Variants in TUBGCP6 observed in about 807,000 individuals in gnomAD.
The protein encoded by TUBGCP6 is tubulin gamma complex component 6.
TUBGCP6 carries 161 observed loss-of-function variants against 175.8 expected under a neutral mutation model. The ratio of observed to expected loss-of-function variants is 0.92; its 90% CI spans 0.81 to 1.04. TUBGCP6 has a LOEUF of 1.04. Among genes scored for constraint, TUBGCP6 ranks in the 50% least tolerant of loss-of-function variants. TUBGCP6 has a pLI of 0.00. For synonymous variants in TUBGCP6, 1,173 were observed against 1,030.5 expected (o/e 1.14, Z -2.65); for missense variants, 2,572 against 2,433.0 (o/e 1.06, Z -1.20).
In TUBGCP6 at chr22:50,244,842, A is replaced by G. The variant is rs372179019; in HGVS notation, c.-383T>C. ...TTGCACCCGTTCTTCGGGACCCACG[A>G]GAGGAGACGGCCAGGAGAGGGTGCC... On this transcript the variant is annotated 5_prime_UTR_variant, in exon 1 of 25. Coordinates refer to ENST00000248846, the MANE Select transcript of TUBGCP6 (RefSeq NM_020461.4). 15 of 232,110 alleles carry G rather than the reference A, an allele frequency of 6.5e-5. No homozygotes were observed. The highest frequency in any genetic ancestry group is 3.3e-4 in the African/African-American group (14 of 42,984). The allele number at this position is 232,110 out of a possible 1,614,324, so 14.4% of individuals were successfully genotyped here. A position where few individuals can be genotyped will look rare whatever the true frequency, so the allele number is the denominator to read the frequency against.
At chr22:50,224,699 G>A (rs1198972651) in intron 10 of TUBGCP6, 107 bp from the exon 11 acceptor site, 8 of 1,109,202 alleles carry the variant, frequency 7.2e-6, no homozygotes, top group Non-Finnish European at 1.1e-5. Context: ...ATGAGCTTAA[G>A]AGTTCAAGAC....
Position 50,218,295 on chromosome 22 carries a change from T to C in TUBGCP6, c.5062A>G (p.Ile1688Val). 1 of 1,613,042 alleles carries C rather than the reference T, an allele frequency of 6.2e-7. No homozygotes were observed. Among genetic ancestry groups the C allele is most frequent in the Non-Finnish European group, 8.5e-7 (1 of 1,179,960 alleles). Residue 1688 changes from isoleucine (I) to valine (V), a missense_variant, in exon 23 of 25, where the codon ATC becomes GTC. Coordinates refer to ENST00000248846, the MANE Select transcript of TUBGCP6 (RefSeq NM_020461.4). ...KVIQGYIANQ[I>V]LHVTWCEFRA... is the part of the protein sequence containing the mutation. ...AACTCGCACCAGGTGACGTGCAGGA[T>C]CTGGTTGGCGATGTAGCCCTGGATG...
Position 50,221,994 on chromosome 22 carries a change from C to G in TUBGCP6, c.2484+34G>C, listed in dbSNP as rs760800952. The G allele has an allele frequency of 2.5e-6, 4 of 1,612,768 alleles. No individual in the cohort carries two copies. In the East Asian group the frequency reaches 8.9e-5, roughly 36 times the overall value. Reference sequence around the variant, plus strand: ...CAGGTGCCGAGGGCTATGGGAAAACCATAGGGCACCCTGGGTTCCACTCTG... The same window carrying G: ...CAGGTGCCGAGGGCTATGGGAAAACGATAGGGCACCCTGGGTTCCACTCTG... On this transcript the variant is annotated intron_variant, in intron 15 of 24. Coordinates refer to ENST00000248846, the MANE Select transcript of TUBGCP6 (RefSeq NM_020461.4).
chr22:50,221,894 A>G lies in TUBGCP6; in HGVS notation c.2485-20T>C, dbSNP rs1227347429. 79 of 1,527,956 alleles carry G rather than the reference A, an allele frequency of 5.2e-5. No homozygotes were observed. The highest frequency in any genetic ancestry group is 6.9e-5 in the Non-Finnish European group (78 of 1,136,970). The allele number at this position is 1,527,956 out of a possible 1,614,324, so 94.6% of individuals were successfully genotyped here. A position where few individuals can be genotyped will look rare whatever the true frequency, so the allele number is the denominator to read the frequency against. On this transcript the variant is annotated intron_variant, in intron 15 of 24. Coordinates refer to ENST00000248846, the MANE Select transcript of TUBGCP6 (RefSeq NM_020461.4). Reference sequence around the variant, plus strand: ...CGTGACCTGAAACACAGGTGACATCAGACCCAGTCTGGTCTCAGGACCCCC... The same window carrying G: ...CGTGACCTGAAACACAGGTGACATCGGACCCAGTCTGGTCTCAGGACCCCC...
rs1386715842 is a variant in TUBGCP6 at position 50,244,025 on chromosome 22, G to A, written c.435C>T (p.Tyr145=). The change falls in exon 1 of 25, where the codon TAC becomes TAT. Residue 145 remains tyrosine, a synonymous_variant. Coordinates refer to ENST00000248846, the MANE Select transcript of TUBGCP6 (RefSeq NM_020461.4). ...NNKHVGRNVP[Y]SGYDCDDLSV... is the part of the protein sequence containing the mutation. Reference sequence around the variant, plus strand: ...TCAGGTCGTCGCAATCATAGCCGCTGTACGGAACGTTTCTCCCCACATGCT... The same window carrying A: ...TCAGGTCGTCGCAATCATAGCCGCTATACGGAACGTTTCTCCCCACATGCT... The A allele has an allele frequency of 6.2e-7, 1 of 1,614,136 alleles. No homozygotes were observed. Among genetic ancestry groups the A allele is most frequent in the Non-Finnish European group, 8.5e-7 (1 of 1,180,040 alleles).
chr22:50,243,426 C>G (rs1231386615), intron 1 of TUBGCP6, among the ~76,000 whole-genome samples: 2 of 148,966 alleles, frequency 1.3e-5, no homozygotes, highest in Non-Finnish European at 3.0e-5. Flanking sequence ...GCACTCCAGC[C>G]TGGGCAACAG....
chr22:50,232,378 G>C (rs73187274), intron 3 of TUBGCP6, among the ~76,000 whole-genome samples: 1 of 12,804 alleles, frequency 7.8e-5, no homozygotes. Flanking sequence ...AAAAAAAAAA[G>C]AAAAAGAAAA....
Position 50,220,751 on chromosome 22 carries a change from G to T in TUBGCP6, c.3608C>A (p.Ser1203Ter). The T allele has an allele frequency of 1.2e-6, 2 of 1,604,942 alleles. No homozygotes were observed. Among genetic ancestry groups the T allele is most frequent in the South Asian group, 2.2e-5 (2 of 90,174 alleles). ...DASISLGESV[S>*]DMAPTRPRWN... is the part of the protein sequence containing the mutation. ...CCGTGGCCGGGTGGGAGCCATGTCT[G>T]ACACAGACTCCCCCAAGCTGATGCT... is the stretch of plus-strand genomic sequence containing the variant. The change falls in exon 16 of 25, where the codon TCA becomes TAA. Residue 1203 changes from serine to a stop codon, truncating the protein, a stop_gained. Transcript: ENST00000248846. LOFTEE classifies it high-confidence loss of function.
At chr22:50,224,615 A>G in intron 10 of TUBGCP6, 23 bp from the exon 11 acceptor site, 1 of 1,612,278 alleles carries the variant, frequency 6.2e-7, no homozygotes, top group South Asian at 1.1e-5. Context: ...ACTGGTAATC[A>G]AAGCATCCTG....
chr22:50,242,684 G>A (rs969004915), intron 1 of TUBGCP6, among the ~76,000 whole-genome samples: 3 of 152,332 alleles, frequency 2.0e-5, no homozygotes, highest in South Asian at 2.1e-4. Context: ...AGCCTCAGGC[G>A]ACAGACAGCA....
chr22:50,243,277 A>G (rs148315488), intron 1 of TUBGCP6, among the ~76,000 whole-genome samples: 3,602 of 152,224 alleles, frequency 0.024, 91 homozygotes, highest in East Asian at 0.12. Context: ...GTGAAACCCC[A>G]TCTCTACTAA....
In TUBGCP6 at chr22:50,218,625, C is replaced by T; in HGVS notation, c.4822-5G>A. 3 of 1,613,900 alleles carry T rather than the reference C, an allele frequency of 1.9e-6. No individual in the cohort carries two copies. The highest frequency in any genetic ancestry group is 1.7e-6 in the Non-Finnish European group (2 of 1,179,970). ...AATGTTGAGAGGCCAGTCCACCTGC[C>T]AGGAGGCGTGGCTCAGCAGGCATCC... is the stretch of plus-strand genomic sequence containing the variant. On this transcript the variant is annotated splice_region_variant and splice_polypyrimidine_tract_variant and intron_variant, in intron 21 of 24. Transcript: ENST00000248846.
chr22:50,234,978 T>A (rs2064751523), intron 2 of TUBGCP6, among the ~76,000 whole-genome samples: 1 of 129,278 alleles, frequency 7.7e-6, no homozygotes, highest in African/African-American at 3.1e-5. Flanking sequence ...CACACCCAGG[T>A]CCACCGCAGC....
Position 50,220,561 on chromosome 22 carries a change from C to T in TUBGCP6, c.3798G>A (p.Trp1266Ter). The change falls in exon 16 of 25, where the codon TGG becomes TGA. Residue 1266 changes from tryptophan (W) to a stop codon, truncating the protein, a stop_gained. Coordinates refer to ENST00000248846, the MANE Select transcript of TUBGCP6 (RefSeq NM_020461.4). LOFTEE classifies it high-confidence loss of function. ...VSDVVSTRPR[W>*]NTHVPIPPPH... ...GCGGAGGGATGGGTACATGGGTGTT[C>T]CACCGTGGCCGGGTGGAAACCACAT... 1 of 1,613,582 alleles carries T rather than the reference C, an allele frequency of 6.2e-7. No homozygotes were observed. Among genetic ancestry groups the T allele is most frequent in the Non-Finnish European group, 8.5e-7 (1 of 1,180,004 alleles).
In TUBGCP6 at chr22:50,227,917, G is replaced by A. The variant is rs541570007; in HGVS notation, c.1402C>T (p.Arg468Trp). The A allele has an allele frequency of 3.3e-5, 52 of 1,575,640 alleles. 1 individual carries two copies. In the South Asian group the frequency reaches 4.8e-4, roughly 14 times the overall value. The change falls in exon 5 of 25, where the codon CGG becomes TGG. Residue 468 changes from arginine (R) to tryptophan (W), a missense_variant. By Grantham distance (101) the Arg-to-Trp change is moderately radical. Transcript: ENST00000248846. ...TIGFLFKKLGRQLRYLAELCG... is the reference protein window; with the variant it reads ...TIGFLFKKLGWQLRYLAELCG... ...CATGCTGAGGCTCACCTGAGCTGCC[G>A]GCCAAGTTTCTTGAAGAGAAAACCA...
chr22:50,225,711 C>T (rs1038902752), intron 10 of TUBGCP6, 83 bp downstream of exon 10: 2 of 1,521,872 alleles, frequency 1.3e-6, no homozygotes, highest in African/African-American at 1.4e-5. Context: ...TTGCACAGCC[C>T]TCATGTCCGC....
At chr22:50,219,849 C>T in intron 17 of TUBGCP6, 58 bp from the exon 18 acceptor site, 2 of 1,603,614 alleles carry the variant, frequency 1.2e-6, no homozygotes, top group Non-Finnish European at 1.7e-6. Context: ...CCACAACCAG[C>T]TTGTGCCAAA....
intron 2 of TUBGCP6, among the ~76,000 whole-genome samples, chr22:50,235,085 G>A (rs956231120): frequency 6.1e-5 from 9 of 148,414 alleles, no homozygotes; most frequent in Admixed American, 2.7e-4. Context: ...CCTGTCCATG[G>A]GAACATCATC....
At position 50,220,302 on chromosome 22, in the gene TUBGCP6, T is replaced by G; in HGVS notation, c.4057A>C (p.Thr1353Pro). 6.3e-7 allele frequency: 1 copy of G among 1,576,860 alleles called. No individual in the cohort carries two copies. Among genetic ancestry groups the G allele is most frequent in the East Asian group, 2.3e-5 (1 of 44,332 alleles). The part of the protein sequence containing the change: ...VGENVSDVAP[T>P]QPWWPNTPGD... ...GGGGTGTTGGGCCACCATGGTTGGG[T>G]GGGAGCCACGTCTGACACGTTCTCC... is the stretch of plus-strand genomic sequence containing the variant. Residue 1353 changes from threonine to proline, a missense_variant, in exon 16 of 25, where the codon ACC (threonine) becomes CCC (proline). Thr to Pro is a conservative substitution (Grantham distance 38). Coordinates refer to ENST00000248846, the MANE Select transcript of TUBGCP6 (RefSeq NM_020461.4).
Sources: allele counts gnomAD v4.1 joint callset (sites outside exome capture counted in the v4.1 genomes callset), GRCh38; gene constraint gnomAD v4.1.1; transcripts MANE v1.5; gene names NCBI Gene and HGNC (gene_info 2026-07-23, HGNC 2026-07-21).